Variants in KHDRBS2 observed in about 807,000 individuals in gnomAD.
KHDRBS2 encodes the protein KH domain-containing, RNA-binding, signal transduction-associated protein 2.
A neutral mutation model predicts 44.3 loss-of-function variants in KHDRBS2; 26 were observed. The ratio of observed to expected loss-of-function variants is 0.59; its 90% CI spans 0.43 to 0.81. The LOEUF is 0.81. Ranked by LOEUF, KHDRBS2 falls within the 40% of genes least tolerant of loss-of-function variation. The pLI, the probability that KHDRBS2 is intolerant of heterozygous loss-of-function variation, is 0.00. For synonymous variants in KHDRBS2, 194 were observed against 151.1 expected, an observed-to-expected ratio of 1.28 and a Z score of -2.08; for missense variants, 476 against 433.1, an observed-to-expected ratio of 1.10 and a Z score of -0.88.
At chr6:62,260,494 G>A (rs1319561144) in intron 1 of KHDRBS2, among the ~76,000 whole-genome samples, 1 of 151,924 alleles carries the variant, frequency 6.6e-6, no homozygotes, top group Non-Finnish European at 1.5e-5. Flanking sequence ...CTATTTCCAA[G>A]TAGTTACCAA....
At chr6:62,083,159 C>G (rs1382630420) in intron 2 of KHDRBS2, among the ~76,000 whole-genome samples, 1 of 143,438 alleles carries the variant, frequency 7.0e-6, no homozygotes, top group African/African-American at 2.5e-5. Flanking sequence ...ATAAAAACCC[C>G]AGGCTTCACT....
At chr6:61,599,162 C>T in the KHDRBS2 span, among the ~76,000 whole-genome samples, 6 of 152,014 alleles carry the variant, frequency 3.9e-5, no homozygotes, top group Non-Finnish European at 8.8e-5. Context: ...TCTCGAACTC[C>T]TGACCTTGTG....
rs548473033 is a variant in KHDRBS2, at chr6:61,833,056, T to C, written c.810+61579A>G. On this transcript the variant is annotated intron_variant, in intron 6 of 8. Coordinates refer to ENST00000281156, the MANE Select transcript of KHDRBS2 (RefSeq NM_152688.4). ...CCTTACTTATATGCACAAGTCATAA[T>C]TTAGCAATTTAGTTTTGTTACAACT... Among the ~76,000 whole-genome samples the C allele has an allele frequency of 6.4e-4, 98 of 152,294 alleles. 1 individual carries two copies. The highest frequency in any genetic ancestry group is 2.3e-3 in the African/African-American group (94 of 41,566).
intron 7 of KHDRBS2, among the ~76,000 whole-genome samples, chr6:61,700,598 A>G (rs1768501275): frequency 6.6e-6 from 1 of 151,534 alleles, no homozygotes. Context: ...CCTTTCAGCT[A>G]GATGTGCCAC....
At chr6:61,881,751 G>A (rs1270781759) in intron 6 of KHDRBS2, among the ~76,000 whole-genome samples, 1 of 152,012 alleles carries the variant, frequency 6.6e-6, no homozygotes, top group Non-Finnish European at 1.5e-5. Flanking sequence ...CATTATGGAA[G>A]TGTTACAATA....
intron 2 of KHDRBS2, among the ~76,000 whole-genome samples, chr6:62,121,785 A>G (rs1443418289): frequency 1.3e-5 from 2 of 152,222 alleles, no homozygotes; most frequent in Non-Finnish European, 2.9e-5. Context: ...AAGAAGTAGC[A>G]AACACACTGG....
intron 6 of KHDRBS2, among the ~76,000 whole-genome samples, chr6:61,748,673 C>T (rs1290042378): frequency 2.6e-5 from 4 of 152,148 alleles, no homozygotes; most frequent in Admixed American, 1.3e-4. Flanking sequence ...CATCAAAGGA[C>T]AATTCAAATT....
the KHDRBS2 span, among the ~76,000 whole-genome samples, chr6:61,569,737 A>G: frequency 6.6e-6 from 1 of 152,184 alleles, no homozygotes; most frequent in Admixed American, 6.5e-5. Context: ...CTGAAGACAG[A>G]TCTCATTACA....
chr6:61,984,544 G>A (rs1774651518), intron 3 of KHDRBS2, among the ~76,000 whole-genome samples: 1 of 152,004 alleles, frequency 6.6e-6, no homozygotes, highest in African/African-American at 2.4e-5. Context: ...CCCTGACTCT[G>A]GAGTGGTCTC....
At chr6:62,236,684 A>G (rs1833762605) in intron 1 of KHDRBS2, among the ~76,000 whole-genome samples, 1 of 152,002 alleles carries the variant, frequency 6.6e-6, no homozygotes, top group Non-Finnish European at 1.5e-5. Context: ...ATTTTTTCGA[A>G]TGCTTATTCT....
chr6:61,585,046 G>A, the KHDRBS2 span, among the ~76,000 whole-genome samples: 1 of 151,740 alleles, frequency 6.6e-6, no homozygotes, highest in African/African-American at 2.4e-5. Context: ...GGAAAAATAG[G>A]TAATATGATG....
intron 6 of KHDRBS2, among the ~76,000 whole-genome samples, chr6:61,770,037 C>T (rs1780618254): frequency 6.6e-6 from 1 of 152,164 alleles, no homozygotes; most frequent in South Asian, 2.1e-4. Flanking sequence ...CCAATATCAG[C>T]TGTTCTGCAG....
chr6:62,153,669 TTACATCA>T (rs1247960428), intron 2 of KHDRBS2, among the ~76,000 whole-genome samples: 2 of 152,166 alleles, frequency 1.3e-5, no homozygotes, highest in Non-Finnish European at 2.9e-5. Context: ...CCATGCTTAC[TTACATCA>T]TGGTGAGTTG....
At chr6:61,621,025 C>T in the KHDRBS2 span, among the ~76,000 whole-genome samples, 3 of 152,282 alleles carry the variant, frequency 2.0e-5, no homozygotes, top group East Asian at 5.8e-4. Flanking sequence ...GAATCTGCTT[C>T]TCATAGGACT....
chr6:62,101,883 G>C (rs1227803598), intron 2 of KHDRBS2, among the ~76,000 whole-genome samples: 4 of 152,032 alleles, frequency 2.6e-5, no homozygotes, highest in African/African-American at 4.8e-5. Flanking sequence ...AAAATTCAAA[G>C]AAACAATTAT....
At chr6:62,222,242 G>A (rs1289446196) in intron 1 of KHDRBS2, among the ~76,000 whole-genome samples, 1 of 151,662 alleles carries the variant, frequency 6.6e-6, no homozygotes. Context: ...GAGACAGAGA[G>A]AATGAGAGAG....
At chr6:62,123,569 G>C (rs1289747970) in intron 2 of KHDRBS2, among the ~76,000 whole-genome samples, 1 of 152,120 alleles carries the variant, frequency 6.6e-6, no homozygotes, top group Non-Finnish European at 1.5e-5. Context: ...TTTGTAAATG[G>C]TATAGCCAGC....
chr6:61,734,645 G>T (rs1478361361), intron 6 of KHDRBS2, among the ~76,000 whole-genome samples: 1 of 151,852 alleles, frequency 6.6e-6, no homozygotes, highest in Non-Finnish European at 1.5e-5. Flanking sequence ...ATACATAATT[G>T]TATCCTCTTA....
intron 1 of KHDRBS2, among the ~76,000 whole-genome samples, chr6:62,240,449 C>T (rs948506764): frequency 2.0e-5 from 3 of 151,598 alleles, no homozygotes; most frequent in African/African-American, 7.3e-5. Context: ...ATGTTTGTTG[C>T]TCTTGAGGTG....
Sources: gnomAD v4.1 joint callset for allele counts (sites outside exome capture counted in the v4.1 genomes callset) on GRCh38, gnomAD v4.1.1 for gene constraint, MANE v1.5 for transcripts, NCBI Gene and HGNC (gene_info 2026-07-23, HGNC 2026-07-21) for gene names.